WWC1: variants seen among roughly 807,000 people sequenced by gnomAD.
WWC1 encodes WW and C2 domain containing 1.
A neutral mutation model predicts 138.4 loss-of-function variants in WWC1; 55 were observed. The observed-to-expected ratio is 0.40, with a 90% confidence interval of 0.32 to 0.50. The LOEUF (loss-of-function observed/expected upper bound fraction) is 0.50, where lower values mean the gene tolerates loss of function less well. Ranked by LOEUF, WWC1 falls within the 20% of genes least tolerant of loss-of-function variation. The pLI, the probability that WWC1 is intolerant of heterozygous loss-of-function variation, is 0.72. For missense variants in WWC1, 1,226 were observed against 1,420.4 expected, an observed-to-expected ratio of 0.86 and a Z score of 2.20; for synonymous variants, 524 against 564.9, an observed-to-expected ratio of 0.93 and a Z score of 1.03.
chr5:168,464,578 G>C lies in WWC1; in HGVS notation c.2917-151G>C, dbSNP rs375018110. The C allele has an allele frequency of 2.3e-5, 30 of 1,305,306 alleles. No homozygotes were observed. In the African/African-American group the frequency reaches 4.3e-4, roughly 19 times the overall value. 80.9% of individuals were successfully genotyped at this position (1,305,306 alleles called of 1,614,324 possible). A position where few individuals can be genotyped will look rare whatever the true frequency, so the allele number is the denominator to read the frequency against. The stretch of plus-strand genomic sequence containing the variant: ...CCCAATAAACATGAGCTGAGTGGGA[G>C]AATTCAAAACAGGCTTCCCAGGGAA... On this transcript the variant is annotated intron_variant, in intron 20 of 22. Coordinates refer to ENST00000265293, the MANE Select transcript of WWC1 (RefSeq NM_015238.3).
chr5:168,381,062 A>G (rs1373342205), intron 2 of WWC1, among the ~76,000 whole-genome samples: 2 of 152,188 alleles, frequency 1.3e-5, no homozygotes, highest in South Asian at 2.1e-4. Flanking sequence ...AGATCAATTC[A>G]GTGGAAATCT....
Position 168,411,819 on chromosome 5 carries a change from T to A in WWC1, c.941+1824T>A, listed in dbSNP as rs138862321. ...AGTTGGGGGTGGGCAAAATTAGGAT[T>A]CTCTAAAGGTCTAGGCATGCGTCGT... On this transcript the variant is annotated intron_variant, in intron 8 of 22. Coordinates refer to ENST00000265293, the MANE Select transcript of WWC1 (RefSeq NM_015238.3). The A allele has an allele frequency of 9.9e-4, 257 of 259,900 alleles. 1 individual carries two copies. Among genetic ancestry groups the A allele is most frequent in the African/African-American group, 5.4e-3 (235 of 43,376 alleles). 16.1% of individuals were successfully genotyped at this position (259,900 alleles called of 1,614,324 possible).
At chr5:168,367,090 C>G (rs1776354549) in intron 1 of WWC1, among the ~76,000 whole-genome samples, 1 of 152,024 alleles carries the variant, frequency 6.6e-6, no homozygotes, top group African/African-American at 2.4e-5. Context: ...AGCCACTGCA[C>G]CCAGCCGACT....
At chr5:168,410,100 C>A in intron 8 of WWC1, 105 bp downstream of exon 8, 1 of 1,108,948 alleles carries the variant, frequency 9.0e-7, no homozygotes, top group Non-Finnish European at 1.4e-6. Flanking sequence ...CTTCTTTAAT[C>A]CTCACAAAGA....
intron 1 of WWC1, among the ~76,000 whole-genome samples, chr5:168,369,979 C>T (rs988608886): frequency 2.1e-5 from 3 of 143,358 alleles, no homozygotes; most frequent in Non-Finnish European, 4.5e-5. Context: ...CGGCTCAGTG[C>T]ACCCTCCACT....
intron 1 of WWC1, among the ~76,000 whole-genome samples, chr5:168,295,384 G>A (rs1175151975): frequency 1.3e-5 from 2 of 152,110 alleles, no homozygotes; most frequent in Non-Finnish European, 2.9e-5. Context: ...CTTATTCCGG[G>A]GGGTGGTGGG....
chr5:168,325,897 A>C (rs914540217), intron 1 of WWC1, among the ~76,000 whole-genome samples: 3 of 152,102 alleles, frequency 2.0e-5, no homozygotes, highest in Non-Finnish European at 2.9e-5. Context: ...ATGAAATCCC[A>C]TAGTATTTGT....
chr5:168,431,580 C>G, intron 15 of WWC1, 136 bp downstream of exon 15: 3 of 983,362 alleles, frequency 3.1e-6, no homozygotes, highest in Non-Finnish European at 2.9e-6. Context: ...GCAGGTTGTG[C>G]TATCAATCAG....
At position 168,444,533 on chromosome 5, in the gene WWC1, C is replaced by T. The variant is rs1350392687; in HGVS notation, c.2473C>T (p.Leu825=). ...SALLEQTAVE[L]EKRQEGRSST... ...TCTGTTGGAACAGACAGCAGTGGAG[C>T]TGGAGAAGAGGCAGGAGGGCAGGAG... The change falls in exon 17 of 23, where the codon CTG becomes TTG. Residue 825 remains leucine, a synonymous_variant. Transcript: ENST00000265293. 4 of 1,604,758 alleles carry T rather than the reference C, an allele frequency of 2.5e-6. No individual in the cohort carries two copies. The South Asian group carries it at 4.5e-5, about 18-fold the overall frequency.
At chr5:168,460,621 T>A in intron 19 of WWC1, 29 bp from the exon 20 acceptor site, 2 of 1,611,564 alleles carry the variant, frequency 1.2e-6, no homozygotes, top group East Asian at 2.2e-5. Flanking sequence ...TCTGACCATG[T>A]TTAAGATTCC....
In WWC1 at chr5:168,423,743, A is replaced by G. The variant is rs12054944; in HGVS notation, c.1485A>G (p.Ser495=). 778,443 of 1,613,754 alleles carry G rather than the reference A, an allele frequency of 0.48. 198,850 individuals are homozygous for G. Among genetic ancestry groups the G allele is most frequent in the East Asian group, 1 (44,670 of 44,872 alleles). ...LLEGATGFRP[S]GCITTIHEDE... ...AGGGGGCCACCGGCTTCCGGCCCTC[A>G]GGCTGCATCACCACCATCCACGAGG... The change falls in exon 11 of 23, where the codon TCA becomes TCG. Residue 495 remains serine (S), a synonymous_variant. Transcript: ENST00000265293.
intron 15 of WWC1, among the ~76,000 whole-genome samples, 179 bp from the exon 16 acceptor site, chr5:168,441,503 G>C (rs539806048): frequency 4.6e-5 from 7 of 152,248 alleles, no homozygotes; most frequent in South Asian, 4.1e-4. Context: ...ATCAATCAAT[G>C]AATGAATGAA....
intron 5 of WWC1, among the ~76,000 whole-genome samples, chr5:168,402,257 G>A (rs1477595565): frequency 6.6e-6 from 1 of 152,238 alleles, no homozygotes; most frequent in African/African-American, 2.4e-5. Flanking sequence ...TGCGTCCAGT[G>A]TGGAGGAAGA....
chr5:168,303,614 A>C (rs901023860), intron 1 of WWC1, among the ~76,000 whole-genome samples: 2 of 152,122 alleles, frequency 1.3e-5, no homozygotes. Flanking sequence ...CTCAAGAAGA[A>C]AGCAGGCAAG....
At chr5:168,347,463 G>T (rs1671058892) in intron 1 of WWC1, among the ~76,000 whole-genome samples, 1 of 152,152 alleles carries the variant, frequency 6.6e-6, no homozygotes, top group South Asian at 2.1e-4. Context: ...GATTTCTTTG[G>T]ACCTTTCGTT....
intron 17 of WWC1, among the ~76,000 whole-genome samples, chr5:168,448,483 G>T (rs1755486859): frequency 6.6e-6 from 1 of 152,020 alleles, no homozygotes; most frequent in Admixed American, 6.5e-5. Flanking sequence ...AATACTATGG[G>T]GAAAAATCTT....
chr5:168,445,886 G>A (rs1003704588), intron 17 of WWC1, among the ~76,000 whole-genome samples: 2 of 152,036 alleles, frequency 1.3e-5, no homozygotes, highest in African/African-American at 2.4e-5. Flanking sequence ...CCATCAGGCA[G>A]GTAACCATCA....
chr5:168,355,037 G>A (rs1176812792), intron 1 of WWC1, among the ~76,000 whole-genome samples: 1 of 152,194 alleles, frequency 6.6e-6, no homozygotes, highest in Non-Finnish European at 1.5e-5. Context: ...AACTCTGCCA[G>A]GGCCTGTGTT....
intron 1 of WWC1, among the ~76,000 whole-genome samples, chr5:168,342,654 G>A (rs921204290): frequency 6.6e-6 from 1 of 152,122 alleles, no homozygotes; most frequent in African/African-American, 2.4e-5. Context: ...AGGTGGGAAG[G>A]TATGCAGGGA....
Sources: allele counts gnomAD v4.1 joint callset (sites outside exome capture counted in the v4.1 genomes callset), GRCh38; gene constraint gnomAD v4.1.1; transcripts MANE v1.5; gene names NCBI Gene and HGNC (gene_info 2026-07-23, HGNC 2026-07-21).